MAML2: variants seen among roughly 807,000 people sequenced by gnomAD.
MAML2 encodes mastermind like transcriptional coactivator 2.
MAML2 carries 22 observed loss-of-function variants against 96.1 expected under a neutral mutation model. The observed-to-expected ratio is 0.23, with a 90% CI of 0.16 to 0.33. The LOEUF (loss-of-function observed/expected upper bound fraction) is 0.33, where lower values mean the gene tolerates loss of function less well. Among genes scored for constraint, MAML2 ranks in the 10% least tolerant of loss-of-function variants. MAML2 has a pLI of 1.00. For synonymous variants in MAML2, 561 were observed against 521.3 expected (o/e 1.08, Z -1.04); for missense variants, 1,367 against 1,392.4 (o/e 0.98, Z 0.29).
chr11:96,239,259 C>T (rs994019974), intron 1 of MAML2, among the ~76,000 whole-genome samples: 2 of 152,160 alleles, frequency 1.3e-5, no homozygotes, highest in African/African-American at 4.8e-5. Context: ...ACAGAAAAAG[C>T]TCTAGGTTCC....
chr11:96,145,099 C>T (rs933352428), intron 1 of MAML2, among the ~76,000 whole-genome samples: 2 of 152,188 alleles, frequency 1.3e-5, no homozygotes, highest in African/African-American at 4.8e-5. Context: ...CTCTCAAAAA[C>T]AAGTCTGTGG....
At chr11:96,026,229 A>G (rs1347201781) in intron 2 of MAML2, among the ~76,000 whole-genome samples, 2 of 152,234 alleles carry the variant, frequency 1.3e-5, no homozygotes, top group Non-Finnish European at 2.9e-5. Flanking sequence ...AAGAAGAGGA[A>G]TCACACTTTG....
intron 1 of MAML2, among the ~76,000 whole-genome samples, chr11:96,175,193 G>A (rs58324157): frequency 6.4e-4 from 98 of 152,254 alleles, no homozygotes; most frequent in African/African-American, 2.2e-3. Context: ...TGCTTATTTT[G>A]TGACCCAGAA....
chr11:96,311,812 G>A (rs1863546132), intron 1 of MAML2, among the ~76,000 whole-genome samples: 1 of 152,068 alleles, frequency 6.6e-6, no homozygotes, highest in Non-Finnish European at 1.5e-5. Flanking sequence ...GATCCTTTTT[G>A]TGACTTTGAT....
intron 1 of MAML2, among the ~76,000 whole-genome samples, chr11:96,294,385 C>A (rs1863257715): frequency 6.6e-6 from 1 of 151,908 alleles, no homozygotes; most frequent in Non-Finnish European, 1.5e-5. Flanking sequence ...GATGTAGTCG[C>A]CCATAAAACC....
intron 1 of MAML2, among the ~76,000 whole-genome samples, chr11:96,164,445 A>G (rs1001094214): frequency 6.6e-6 from 1 of 152,210 alleles, no homozygotes; most frequent in Non-Finnish European, 1.5e-5. Flanking sequence ...ACAGTGTAGT[A>G]ACAGAGTCCT....
intron 1 of MAML2, among the ~76,000 whole-genome samples, chr11:96,124,096 C>CAAAA (rs11464319): frequency 3.1e-5 from 3 of 96,302 alleles, no homozygotes; most frequent in Admixed American, 1.3e-4. Flanking sequence ...AACTCTGTCT[C>CAAAA]AAAAAAAAAA....
At chr11:96,106,654 A>T (rs1338342225) in intron 1 of MAML2, among the ~76,000 whole-genome samples, 1 of 152,226 alleles carries the variant, frequency 6.6e-6, no homozygotes, top group African/African-American at 2.4e-5. Context: ...GCCTTAACTC[A>T]GTGAGTCCCT....
intron 1 of MAML2, among the ~76,000 whole-genome samples, chr11:96,282,370 T>A (rs1289295141): frequency 6.6e-6 from 1 of 152,120 alleles, no homozygotes; most frequent in Non-Finnish European, 1.5e-5. Flanking sequence ...GCTCAAGCAA[T>A]TTGAGTGGAT....
rs1405045328 is a variant in MAML2 at position 96,029,196 on chromosome 11, T to TA, written c.2140-37474dup. Among the ~76,000 whole-genome samples, 236 of 140,854 alleles carry TA rather than the reference T, an allele frequency of 1.7e-3. 1 individual carries two copies. The highest frequency in any genetic ancestry group is 0.011 in the Middle Eastern group (3 of 282). The allele number at this position is 140,854 out of a possible 152,430, so 92.4% of individuals were successfully genotyped here. ...TTTTTTTTTTAACATCAAATAATAA[T>TA]AAAAAAAAAACTTTGTTGAAGGACT... On this transcript the variant is annotated intron_variant, in intron 2 of 4. Transcript: ENST00000524717.
At chr11:96,040,451 A>AG (rs1858789777) in intron 2 of MAML2, among the ~76,000 whole-genome samples, 2 of 152,178 alleles carry the variant, frequency 1.3e-5, no homozygotes, top group African/African-American at 2.4e-5. Context: ...AGAACAAAAA[A>AG]CAAAACATTA....
At chr11:96,094,735 A>C (rs777723518) in intron 1 of MAML2, among the ~76,000 whole-genome samples, 11 of 152,220 alleles carry the variant, frequency 7.2e-5, no homozygotes, top group Non-Finnish European at 1.3e-4. Flanking sequence ...ATATCTACCA[A>C]AGTGTGGCTT....
intron 1 of MAML2, among the ~76,000 whole-genome samples, chr11:96,290,417 T>A (rs13377307): frequency 1.3e-5 from 2 of 152,226 alleles, no homozygotes; most frequent in African/African-American, 4.8e-5. Flanking sequence ...TTGCTTCTAT[T>A]CTGCTTCTTC....
At chr11:96,306,034 C>T (rs1863457024) in intron 1 of MAML2, among the ~76,000 whole-genome samples, 2 of 152,246 alleles carry the variant, frequency 1.3e-5, no homozygotes, top group Non-Finnish European at 2.9e-5. Flanking sequence ...TGCAAGACGT[C>T]ATAGCTGCCT....
At position 96,229,566 on chromosome 11, in the gene MAML2, A is replaced by G. The variant is rs911632280; in HGVS notation, c.513+111817T>C. On this transcript the variant is annotated intron_variant, in intron 1 of 4. Transcript: ENST00000524717. ...TCTAACCAGACTGCAAGCATCCTAGATACAGAAATATAATCACATGATCTC... is the reference window on the plus strand; with the variant it reads ...TCTAACCAGACTGCAAGCATCCTAGGTACAGAAATATAATCACATGATCTC... Among the ~76,000 whole-genome samples the G allele has an allele frequency of 2.0e-5, 3 of 148,448 alleles. No individual in the cohort carries two copies. The Admixed American group carries it at 2.0e-4, about 10-fold the overall frequency.
chr11:95,983,886 TAAAG>T, intron 4 of MAML2, among the ~76,000 whole-genome samples: 1 of 152,250 alleles, frequency 6.6e-6, no homozygotes, highest in South Asian at 2.1e-4. Context: ...AATTTATTAT[TAAAG>T]AAAGAAATTT....
chr11:96,206,990 C>T (rs1342669783), intron 1 of MAML2, among the ~76,000 whole-genome samples: 1 of 152,048 alleles, frequency 6.6e-6, no homozygotes, highest in East Asian at 1.9e-4. Flanking sequence ...ATATCATCGC[C>T]CAACCTCCTG....
chr11:96,009,113 G>T lies in MAML2; in HGVS notation c.2140-17390C>A, dbSNP rs77789363. Among the ~76,000 whole-genome samples, 463 of 152,272 alleles carry T rather than the reference G, an allele frequency of 3.0e-3. 1 individual carries two copies. The highest frequency in any genetic ancestry group is 0.011 in the African/African-American group (437 of 41,562). ...TGGAGGCAAAATAATATTGTTAGAT[G>T]TAATATTAATGTGCAATTGACTAGC... On this transcript the variant is annotated intron_variant, in intron 2 of 4. Transcript: ENST00000524717.
At chr11:96,123,095 T>C (rs1228042328) in intron 1 of MAML2, among the ~76,000 whole-genome samples, 1 of 152,206 alleles carries the variant, frequency 6.6e-6, no homozygotes, top group Non-Finnish European at 1.5e-5. Context: ...AGATCTAAGA[T>C]GATGAGATGC....
Sources: allele counts gnomAD v4.1 joint callset (sites outside exome capture counted in the v4.1 genomes callset), GRCh38; gene constraint gnomAD v4.1.1; transcripts MANE v1.5; gene names NCBI Gene and HGNC (gene_info 2026-07-23, HGNC 2026-07-21).